ZNF581: variants seen among roughly 807,000 people sequenced by gnomAD.
The protein encoded by ZNF581 is zinc finger protein 581.
ZNF581 carries 1 observed loss-of-function variant against 1.2 expected under a neutral mutation model. The ratio of observed to expected loss-of-function variants is 0.83; its 90% CI spans 0.30 to 3.95. ZNF581 has a LOEUF of 3.95. ZNF581 is among the 30% of genes most tolerant of loss of function. The probability of loss-of-function intolerance (pLI) is 0.18; values close to 1 mark genes in which losing one functional copy is unlikely to be tolerated. For synonymous variants in ZNF581, 105 were observed against 109.2 expected, an observed-to-expected ratio of 0.96 and a Z score of 0.24; for missense variants, 273 against 274.6, an observed-to-expected ratio of 0.99 and a Z score of 0.04.
upstream of ZNF581, chr19:55,640,480 C>T (rs1032054528): frequency 7.1e-6 from 7 of 985,344 alleles, no homozygotes; most frequent in Admixed American, 6.1e-5. Flanking sequence ...CGCATGCAGC[C>T]GTCTGGCCCT....
At chr19:55,636,304 G>C (rs759008308), upstream of ZNF581, among the ~76,000 whole-genome samples, 4 of 152,244 alleles carry the variant, frequency 2.6e-5, no homozygotes, top group South Asian at 2.1e-4. Context: ...GTGCCCTCAG[G>C]GGGTGGAGGT....
At chr19:55,643,513 G>A (rs955128229), upstream of ZNF581, 1 of 157,610 alleles carries the variant, frequency 6.3e-6, no homozygotes, top group Non-Finnish European at 1.4e-5. Context: ...TTGGGTGCTG[G>A]GGGGTGGAGA....
upstream of ZNF581, chr19:55,640,919 G>C (rs1373949070): frequency 1.0e-6 from 1 of 985,284 alleles, no homozygotes; most frequent in Non-Finnish European, 1.2e-6. Context: ...CCTCCCCGCA[G>C]GGCGCTCCGC....
upstream of ZNF581, chr19:55,642,750 C>G (rs992613679): frequency 6.5e-7 from 1 of 1,529,080 alleles, no homozygotes; most frequent in South Asian, 1.2e-5. Flanking sequence ...CAGCGCGAGG[C>G]GCCCCCAGGA....
chr19:55,643,458 A>G, upstream of ZNF581: 1 of 187,964 alleles, frequency 5.3e-6, no homozygotes, highest in Non-Finnish European at 1.2e-5. Context: ...CTCAATAAAC[A>G]TTCCGCACTC....
chr19:55,640,667 C>T, upstream of ZNF581: 1 of 985,480 alleles, frequency 1.0e-6, no homozygotes, highest in Non-Finnish European at 1.2e-6. Context: ...ATTTGCTCAG[C>T]CGGCAGGAAC....
chr19:55,642,947 G>A (rs1034447831), upstream of ZNF581: 2 of 1,437,168 alleles, frequency 1.4e-6, no homozygotes, highest in Non-Finnish European at 1.8e-6. Context: ...CGCCCGCGCC[G>A]GGCCGCCGCA....
chr19:55,642,207 A>C (rs1982543558), upstream of ZNF581: 1 of 1,165,368 alleles, frequency 8.6e-7, no homozygotes, highest in Non-Finnish European at 1.1e-6. Flanking sequence ...AAAAGGGAAG[A>C]AAAGTCGGGG....
chr19:55,641,511 C>T (rs907752553), upstream of ZNF581, among the ~76,000 whole-genome samples: 4 of 152,104 alleles, frequency 2.6e-5, no homozygotes, highest in Admixed American at 2.0e-4. Flanking sequence ...GATGGGGCTC[C>T]TGGAAGAGGT....
rs1206922759 is a variant in ZNF581, at chr19:55,644,769, G to A, written c.198G>A (p.Leu66=). The part of the protein sequence containing the change: ...IDTQGVPYTV[L]VDEESQREPG... ...CTCAGGGTGTCCCCTACACAGTGCT[G>A]GTGGACGAGGAGTCACAGAGGGAGC... Residue 66 remains leucine (L), a synonymous_variant, in exon 2 of 2, where the codon CTG becomes CTA. Transcript: ENST00000270451. The surrounding 1 kb of genome is among the most constrained non-coding windows in gnomAD (Gnocchi z 4.3). 3.1e-6 allele frequency: 5 copies of A among 1,614,028 alleles called. No homozygotes were observed. Among genetic ancestry groups the A allele is most frequent in the Non-Finnish European group, 4.2e-6 (5 of 1,179,918 alleles).
Position 55,645,503 on chromosome 19 carries a change from G to A in ZNF581, c.*338G>A. 1 of 238,538 alleles carries A rather than the reference G, an allele frequency of 4.2e-6. No homozygotes were observed. The highest frequency in any genetic ancestry group is 8.9e-5 in the East Asian group (1 of 11,226). 14.8% of individuals were successfully genotyped at this position (238,538 alleles called of 1,614,324 possible). A position where few individuals can be genotyped will look rare whatever the true frequency, so the allele number is the denominator to read the frequency against. ...CATAAAAGGTGGCTGTGGGTCGTCA[G>A]GAATCTGCGCCATCTTCCTGGGGCT... On this transcript the variant is annotated 3_prime_UTR_variant, in exon 2 of 2. Transcript: ENST00000270451.
chr19:55,642,163 G>C (rs945840979), upstream of ZNF581: 3 of 1,079,812 alleles, frequency 2.8e-6, no homozygotes, highest in African/African-American at 4.9e-5. Context: ...ACAGATTTAG[G>C]GATTGATTGT....
At position 55,644,679 on chromosome 19, in the gene ZNF581, C is replaced by T. The variant is rs776697754; in HGVS notation, c.108C>T (p.Ser36=). 3.7e-6 allele frequency: 6 copies of T among 1,613,158 alleles called. No homozygotes were observed. In the East Asian group the frequency reaches 6.7e-5, roughly 18 times the overall value. ...RTCRSPEPGP[S]SSIGSPQASS... ...GCCGCTCCCCAGAACCTGGACCTTC[C>T]TCCTCCATCGGATCTCCCCAGGCTT... Residue 36 remains serine, a synonymous_variant, in exon 2 of 2, where the codon TCC becomes TCT. Transcript: ENST00000270451. The surrounding 1 kb of genome is among the most constrained non-coding windows in gnomAD (Gnocchi z 4.3).
chr19:55,639,006 CAAAAAA>C (rs753198174), upstream of ZNF581, among the ~76,000 whole-genome samples: 5 of 88,202 alleles, frequency 5.7e-5, no homozygotes, highest in East Asian at 3.4e-4. Flanking sequence ...ACTCCATCTC[CAAAAAA>C]AAAAAAAAAA....
At chr19:55,641,008 T>C, upstream of ZNF581, 1 of 985,308 alleles carries the variant, frequency 1.0e-6, no homozygotes, top group Non-Finnish European at 1.2e-6. Flanking sequence ...CGGCGCCTTT[T>C]CCCAGGGACT....
chr19:55,643,057 C>A (rs992185525), upstream of ZNF581: 6 of 1,341,744 alleles, frequency 4.5e-6, no homozygotes, highest in African/African-American at 4.6e-5. Context: ...CTGCCCTGCC[C>A]GTCTCAGGGC....
chr19:55,644,504 GA>G lies in ZNF581; in HGVS notation c.-19-48del. 2.8e-5 allele frequency: 35 copies of G among 1,230,546 alleles called. No individual in the cohort carries two copies. Among genetic ancestry groups the G allele is most frequent in the Non-Finnish European group, 3.6e-5 (32 of 896,084 alleles). 76.2% of individuals were successfully genotyped at this position (1,230,546 alleles called of 1,614,324 possible). A position where few individuals can be genotyped will look rare whatever the true frequency, so the allele number is the denominator to read the frequency against. On this transcript the variant is annotated intron_variant, in intron 1 of 1. Transcript: ENST00000270451. The surrounding 1 kb of genome is among the most constrained non-coding windows in gnomAD (Gnocchi z 4.3). ...GGAAAAGGATGGAGCCTGTGGTGCT[GA>G]GCTGCCCTCTTCTATATAACCTTCT... is the stretch of plus-strand genomic sequence containing the variant.
upstream of ZNF581, chr19:55,642,772 T>C: frequency 6.5e-7 from 1 of 1,547,838 alleles, no homozygotes. Flanking sequence ...AGCCCGGCCC[T>C]CGCAAGGGCT....
In ZNF581 at chr19:55,644,905, G is replaced by A; in HGVS notation, c.334G>A (p.Val112Ile). ...GCGACACAGCATCACCCACTCGGAG[G>A]TAAAGCCCTTCGAGTGTGACATCTG... ...LQRHSITHSE[V>I]KPFECDICGK... The change falls in exon 2 of 2, where the codon GTA (valine) becomes ATA (isoleucine). Residue 112 changes from valine (V) to isoleucine (I), a missense_variant. Val to Ile is a conservative substitution (Grantham distance 29). Coordinates refer to ENST00000270451, the MANE Select transcript of ZNF581 (RefSeq NM_016535.4). This position sits in a 1 kb window ranked among gnomAD's most constrained non-coding sequence, Gnocchi z 4.3. 1 of 1,613,914 alleles carries A rather than the reference G, an allele frequency of 6.2e-7. No individual in the cohort carries two copies. The highest frequency in any genetic ancestry group is 8.5e-7 in the Non-Finnish European group (1 of 1,179,868).
Sources: allele counts gnomAD v4.1 joint callset (sites outside exome capture counted in the v4.1 genomes callset), GRCh38; gene constraint gnomAD v4.1.1; non-coding constraint Gnocchi (gnomAD v3.1); transcripts MANE v1.5; gene names NCBI Gene and HGNC (gene_info 2026-07-23, HGNC 2026-07-21).